The following BEND7 variants were observed in gnomAD, a reference collection of about 807,000 sequenced individuals.
BEND7 encodes BEN domain containing 7, also known as BEN domain-containing protein 7.
Under a neutral mutation model 50.9 loss-of-function variants are expected in BEND7, and 28 were observed. That is an observed-to-expected ratio of 0.55 (90% CI 0.41 to 0.75). The LOEUF is 0.75. Among genes scored for constraint, BEND7 ranks in the 30% least tolerant of loss-of-function variants. BEND7 has a pLI of 0.00. For missense variants in BEND7, 477 were observed against 491.3 expected (o/e 0.97, Z 0.28); for synonymous variants, 170 against 183.9 (o/e 0.92, Z 0.61).
intron 4 of BEND7, among the ~76,000 whole-genome samples, chr10:13,493,468 CCAAA>C (rs2076816261): frequency 6.6e-6 from 1 of 152,170 alleles, no homozygotes; most frequent in Admixed American, 6.5e-5. Flanking sequence ...TCCTTCCTCA[CCAAA>C]CAAATATTCT....
At chr10:13,459,220 C>T (rs1387343662) in intron 6 of BEND7, among the ~76,000 whole-genome samples, 2 of 152,126 alleles carry the variant, frequency 1.3e-5, no homozygotes, top group Non-Finnish European at 2.9e-5. Context: ...TGGTGGCCAA[C>T]TGGGGAGAGG....
At chr10:13,472,402 C>T (rs553625309) in intron 6 of BEND7, among the ~76,000 whole-genome samples, 4 of 151,570 alleles carry the variant, frequency 2.6e-5, no homozygotes, top group South Asian at 4.2e-4. Context: ...GACTCAGGGC[C>T]GATATCTGTC....
At chr10:13,485,685 T>G (rs1471816487) in intron 5 of BEND7, among the ~76,000 whole-genome samples, 1 of 152,232 alleles carries the variant, frequency 6.6e-6, no homozygotes, top group South Asian at 2.1e-4. Context: ...CGTAGTATAT[T>G]AGATGTATTT....
rs946832068 is a variant in BEND7 at position 13,447,312 on chromosome 10, G to A, written c.1188C>T (p.Ile396=). The A allele has an allele frequency of 8.1e-6, 13 of 1,613,934 alleles. No individual in the cohort carries two copies. Among genetic ancestry groups the A allele is most frequent in the Middle Eastern group, 1.6e-4 (1 of 6,084 alleles). ...ARRRLKRGSE[I]ADSDERLDGI... ...CGTCCAGTCTTTCATCACTGTCCGCGATCTCTGCTGGTTACAAACATAAGA... is the reference window on the plus strand; with the variant it reads ...CGTCCAGTCTTTCATCACTGTCCGCAATCTCTGCTGGTTACAAACATAAGA... Residue 396 remains isoleucine, a synonymous_variant, in exon 8 of 9, where the codon ATC becomes ATT. Transcript: ENST00000466271.
intron 6 of BEND7, among the ~76,000 whole-genome samples, chr10:13,468,641 TG>T (rs906105328): frequency 2.6e-5 from 4 of 151,758 alleles, no homozygotes; most frequent in African/African-American, 9.7e-5. Context: ...ATTTCAAGAG[TG>T]TTTTTGCAGA....
Position 13,526,166 on chromosome 10 carries a change from C to T in BEND7, c.117G>A (p.Glu39=), listed in dbSNP as rs1162042126. Residue 39 remains glutamate (E), a synonymous_variant, in exon 2 of 9, where the codon GAG becomes GAA. Coordinates refer to ENST00000466271, the MANE Select transcript of BEND7 (RefSeq NM_001369863.1). ...IPEFSNDVNG[E]AKETQPIFLG... is the part of the protein sequence containing the mutation. ...AAAAAATGGGCTGTGTCTCTTTGGC[C>T]TCCCCATTAACATCGTTGCTGAATT... The T allele has an allele frequency of 7.8e-7, 1 of 1,289,322 alleles. No individual in the cohort carries two copies. Among genetic ancestry groups the T allele is most frequent in the East Asian group, 5.6e-5 (1 of 18,006 alleles). 79.9% of individuals were successfully genotyped at this position (1,289,322 alleles called of 1,614,324 possible).
chr10:13,518,912 A>G (rs1300292579), intron 2 of BEND7, among the ~76,000 whole-genome samples: 1 of 152,250 alleles, frequency 6.6e-6, no homozygotes, highest in Non-Finnish European at 1.5e-5. Context: ...CGGATACAGC[A>G]TTGTGCTAGG....
chr10:13,517,694 T>C (rs1446180344), intron 2 of BEND7, among the ~76,000 whole-genome samples: 1 of 152,126 alleles, frequency 6.6e-6, no homozygotes, highest in Non-Finnish European at 1.5e-5. Flanking sequence ...TAGTAAGCTA[T>C]GATCACACCA....
intron 6 of BEND7, among the ~76,000 whole-genome samples, chr10:13,463,662 A>G (rs905088228): frequency 6.6e-6 from 1 of 152,250 alleles, no homozygotes; most frequent in Non-Finnish European, 1.5e-5. Flanking sequence ...GGATATAATT[A>G]TATCATCTGA....
intron 2 of BEND7, among the ~76,000 whole-genome samples, chr10:13,520,541 G>T (rs1252645765): frequency 6.6e-6 from 1 of 152,118 alleles, no homozygotes; most frequent in Non-Finnish European, 1.5e-5. Flanking sequence ...CAGGAGAGAG[G>T]GTGAGAAGTT....
chr10:13,487,480 A>G (rs375307461), intron 5 of BEND7, among the ~76,000 whole-genome samples: 80 of 147,346 alleles, frequency 5.4e-4, no homozygotes, highest in African/African-American at 1.9e-3. Flanking sequence ...TCTGCCTCCC[A>G]GGTTCAAGCG....
intron 2 of BEND7, among the ~76,000 whole-genome samples, chr10:13,523,079 T>G (rs2079187057): frequency 6.6e-6 from 1 of 152,222 alleles, no homozygotes; most frequent in African/African-American, 2.4e-5. Flanking sequence ...AAGGTCCCTG[T>G]CCTATCCATT....
intron 6 of BEND7, among the ~76,000 whole-genome samples, chr10:13,474,414 G>A (rs1292412309): frequency 6.6e-6 from 1 of 151,210 alleles, no homozygotes; most frequent in Non-Finnish European, 1.5e-5. Context: ...TATCTGTCAT[G>A]ACTGTTAGAC....
At chr10:13,498,752 A>G (rs888441733) in intron 3 of BEND7, among the ~76,000 whole-genome samples, 9 of 152,194 alleles carry the variant, frequency 5.9e-5, no homozygotes, top group Non-Finnish European at 1.3e-4. Context: ...AGGAGTCTTT[A>G]AAGAGCTGTG....
chr10:13,475,786 A>G (rs1186075251), intron 6 of BEND7, among the ~76,000 whole-genome samples: 1 of 152,230 alleles, frequency 6.6e-6, no homozygotes, highest in African/African-American at 2.4e-5. Flanking sequence ...GAAAGACTGA[A>G]GTGTTTAGTG....
intron 2 of BEND7, among the ~76,000 whole-genome samples, chr10:13,525,089 C>T (rs777606262): frequency 2.6e-5 from 4 of 152,168 alleles, no homozygotes; most frequent in Non-Finnish European, 5.9e-5. Context: ...TGCTTGTAAT[C>T]GTTCTCGCTC....
At position 13,441,831 on chromosome 10, in the gene BEND7, A is replaced by G. The variant is rs1835370519; in HGVS notation, c.1235-81T>C. On this transcript the variant is annotated intron_variant, in intron 8 of 8. Coordinates refer to ENST00000466271, the MANE Select transcript of BEND7 (RefSeq NM_001369863.1). ...GGAAAAAGGCTAACAAAAAGGTATG[A>G]TGGAAATAATTTCTCCAAACCTTCC... 1.5e-5 allele frequency: 21 copies of G among 1,405,794 alleles called. No homozygotes were observed. In the South Asian group the frequency reaches 2.1e-4, roughly 14 times the overall value. The allele number at this position is 1,405,794 out of a possible 1,614,324, so 87.1% of individuals were successfully genotyped here.
rs1835325316 is a variant in BEND7, at chr10:13,441,540, C to T, written c.*203G>A. 5 of 1,410,240 alleles carry T rather than the reference C, an allele frequency of 3.5e-6. No homozygotes were observed. The South Asian group carries it at 8.3e-5, about 23-fold the overall frequency. 87.4% of individuals were successfully genotyped at this position (1,410,240 alleles called of 1,614,324 possible). A position where few individuals can be genotyped will look rare whatever the true frequency, so the allele number is the denominator to read the frequency against. ...TTGGAAGGCAGTGCTTCTGAAGGTT[C>T]CCAGCAGATCTCTTAACAGACCACA... On this transcript the variant is annotated 3_prime_UTR_variant, in exon 9 of 9. Coordinates refer to ENST00000466271, the MANE Select transcript of BEND7 (RefSeq NM_001369863.1).
chr10:13,516,274 G>A, intron 2 of BEND7, among the ~76,000 whole-genome samples: 1 of 152,198 alleles, frequency 6.6e-6, no homozygotes, highest in East Asian at 1.9e-4. Context: ...CAGAGCACAT[G>A]CCAGGGCCCT....
Sources: gnomAD v4.1 joint callset for allele counts (sites outside exome capture counted in the v4.1 genomes callset) on GRCh38, gnomAD v4.1.1 for gene constraint, MANE v1.5 for transcripts, NCBI Gene and HGNC (gene_info 2026-07-23, HGNC 2026-07-21) for gene names.